The following EFHB variants were observed in gnomAD, a reference collection of about 807,000 sequenced individuals.
The protein encoded by EFHB is EF-hand domain-containing family member B.
Under a neutral mutation model 87.2 loss-of-function variants are expected in EFHB, and 91 were observed. That is an observed-to-expected ratio of 1.04 (90% CI 0.88 to 1.24). The LOEUF (loss-of-function observed/expected upper bound fraction) is 1.24, where lower values mean the gene tolerates loss of function less well. Ranked by LOEUF, EFHB falls within the 50% of genes most tolerant of loss-of-function variation. The pLI is 0.00. For missense variants in EFHB, 1,084 were observed against 998.8 expected, an observed-to-expected ratio of 1.09 and a Z score of -1.15; for synonymous variants, 325 against 333.6, an observed-to-expected ratio of 0.97 and a Z score of 0.28.
rs1294315795 is a variant in EFHB, at chr3:19,920,553, A to G, written c.804T>C (p.Ile268=). ...TPCWPSAGKV[I]PVGYRVATCL... is the part of the protein sequence containing the mutation. ...AGGTTGCAACTCTGTAACCAACTGG[A>G]ATAACTTTTCCTGCCTTTGGGGGAA... The change falls in exon 2 of 13, where the codon ATT becomes ATC. Residue 268 remains isoleucine (I), a synonymous_variant. Transcript: ENST00000295824. 1.3e-6 allele frequency: 2 copies of G among 1,598,154 alleles called. No homozygotes were observed. The highest frequency in any genetic ancestry group is 1.7e-6 in the Non-Finnish European group (2 of 1,174,214).
intron 6 of EFHB, among the ~76,000 whole-genome samples, chr3:19,903,176 C>CA (rs376542389): frequency 0.016 from 2,166 of 133,830 alleles, 17 homozygotes; most frequent in Middle Eastern, 0.029. Context: ...GACTCCATCT[C>CA]AAAAAAAAAA....
chr3:19,885,171 G>A (rs762123460), intron 10 of EFHB, among the ~76,000 whole-genome samples: 1 of 150,634 alleles, frequency 6.6e-6, no homozygotes, highest in Non-Finnish European at 1.5e-5. Flanking sequence ...GCAGTGAGCC[G>A]AGATCGCGCC....
chr3:19,941,045 T>C (rs1696146447), intron 1 of EFHB: 1 of 343,044 alleles, frequency 2.9e-6, no homozygotes, highest in Non-Finnish European at 5.5e-6. Context: ...CCAGACAGAA[T>C]GGCTGCTTGG....
chr3:19,925,326 T>G (rs1407754316), intron 1 of EFHB, among the ~76,000 whole-genome samples: 1 of 151,878 alleles, frequency 6.6e-6, no homozygotes, highest in Non-Finnish European at 1.5e-5. Context: ...GATCCTATAA[T>G]ATTCTGTCTA....
At chr3:19,946,788 A>C (rs1016750864) in intron 1 of EFHB, 2 of 152,220 alleles carry the variant, frequency 1.3e-5, no homozygotes, top group Admixed American at 6.5e-5. Context: ...AAAACAAACA[A>C]AAAAACACAA....
intron 1 of EFHB, among the ~76,000 whole-genome samples, chr3:19,930,298 A>G (rs1277374261): frequency 6.6e-6 from 1 of 152,206 alleles, no homozygotes; most frequent in Non-Finnish European, 1.5e-5. Flanking sequence ...TAACAAAGTT[A>G]GAATCCCTCC....
At chr3:19,942,686 T>C (rs892193546) in intron 1 of EFHB, among the ~76,000 whole-genome samples, 3 of 152,142 alleles carry the variant, frequency 2.0e-5, no homozygotes, top group African/African-American at 7.2e-5. Flanking sequence ...CTGGAGGTGA[T>C]GGAAGAGAGT....
At chr3:19,925,111 C>T (rs752581694) in intron 1 of EFHB, among the ~76,000 whole-genome samples, 1 of 151,564 alleles carries the variant, frequency 6.6e-6, no homozygotes, top group Non-Finnish European at 1.5e-5. Context: ...GCATGCTGGC[C>T]GGCACCTGTA....
intron 5 of EFHB, among the ~76,000 whole-genome samples, chr3:19,912,706 G>T (rs901733687): frequency 6.6e-6 from 1 of 151,934 alleles, no homozygotes; most frequent in Admixed American, 6.6e-5. Context: ...GAAACAACAG[G>T]GTTAAAAAGT....
At chr3:19,907,621 G>T (rs1479854917) in intron 5 of EFHB, among the ~76,000 whole-genome samples, 1 of 152,158 alleles carries the variant, frequency 6.6e-6, no homozygotes, top group South Asian at 2.1e-4. Flanking sequence ...CATTCAAAGG[G>T]TGATTGAGAG....
rs78572156 is a variant in EFHB at position 19,884,653 on chromosome 3, A to G, written c.1934-38T>C. On this transcript the variant is annotated intron_variant, in intron 10 of 12. Transcript: ENST00000295824. ...TAAATGAAAGAAAAAATGCAGGAAT[A>G]CATTACTACTTAGTGCTTGCTGCTC... 1.9e-3 allele frequency: 3,012 copies of G among 1,578,322 alleles called. 7 individuals are homozygous for G. Among genetic ancestry groups the G allele is most frequent in the Non-Finnish European group, 2.5e-3 (2,854 of 1,151,816 alleles).
At chr3:19,939,243 C>T (rs929346964) in intron 1 of EFHB, among the ~76,000 whole-genome samples, 2 of 151,964 alleles carry the variant, frequency 1.3e-5, no homozygotes, top group African/African-American at 4.8e-5. Context: ...TGTTGTCCCC[C>T]TTGCTTGGAA....
chr3:19,938,685 C>T (rs1253336001), upstream of EFHB, among the ~76,000 whole-genome samples: 1 of 152,154 alleles, frequency 6.6e-6, no homozygotes, highest in Non-Finnish European at 1.5e-5. Flanking sequence ...CTTGCAATCA[C>T]CTTTACACTG....
chr3:19,936,128 C>T (rs140343660), upstream of EFHB: 1,371 of 1,491,550 alleles, frequency 9.2e-4, 4 homozygotes, highest in Middle Eastern at 3.1e-3. Context: ...GGGGTCTGGA[C>T]ATAGTCACTC....
At chr3:19,939,482 T>C (rs999049110) in intron 1 of EFHB, among the ~76,000 whole-genome samples, 2 of 143,520 alleles carry the variant, frequency 1.4e-5, no homozygotes, top group African/African-American at 2.6e-5. Flanking sequence ...CCTCCCGGGT[T>C]CACGCCATTC....
At chr3:19,942,597 T>G (rs776415177) in intron 1 of EFHB, among the ~76,000 whole-genome samples, 2 of 152,228 alleles carry the variant, frequency 1.3e-5, no homozygotes, top group Non-Finnish European at 2.9e-5. Context: ...TAATATATAA[T>G]GAAATAATTA....
At chr3:19,943,057 A>T (rs1438215895) in intron 1 of EFHB, 1 of 329,694 alleles carries the variant, frequency 3.0e-6, no homozygotes, top group Non-Finnish European at 6.0e-6. Flanking sequence ...GCTTCATATC[A>T]GACTGGACAA....
chr3:19,881,889 C>T (rs919611871), intron 12 of EFHB, among the ~76,000 whole-genome samples: 1 of 152,094 alleles, frequency 6.6e-6, no homozygotes, highest in Admixed American at 6.6e-5. Flanking sequence ...TAACTGAGCA[C>T]TGCTATCAAT....
upstream of EFHB, among the ~76,000 whole-genome samples, chr3:19,937,555 C>A (rs568363291): frequency 1.3e-5 from 2 of 152,144 alleles, no homozygotes; most frequent in East Asian, 1.9e-4. Context: ...GTCACATGGG[C>A]CAATGTCCCT....
Sources: allele counts gnomAD v4.1 joint callset (sites outside exome capture counted in the v4.1 genomes callset), GRCh38; gene constraint gnomAD v4.1.1; transcripts MANE v1.5; gene names NCBI Gene and HGNC (gene_info 2026-07-23, HGNC 2026-07-21).